Variants in EPHA6 observed in about 807,000 individuals in gnomAD.
The protein encoded by EPHA6 is ephrin type-A receptor 6.
A neutral mutation model predicts 112.0 loss-of-function variants in EPHA6; 50 were observed. The observed-to-expected ratio is 0.45, with a 90% CI of 0.36 to 0.56. The LOEUF is 0.56. Ranked by LOEUF, EPHA6 falls within the 20% of genes least tolerant of loss-of-function variation. EPHA6 has a pLI of 0.00. For synonymous variants in EPHA6, 529 were observed against 490.7 expected, an observed-to-expected ratio of 1.08 and a Z score of -1.03; for missense variants, 1,280 against 1,417.4, an observed-to-expected ratio of 0.90 and a Z score of 1.56.
intron 15 of EPHA6, among the ~76,000 whole-genome samples, chr3:97,731,202 G>A (rs1217765875): frequency 2.0e-5 from 3 of 152,004 alleles, no homozygotes; most frequent in African/African-American, 7.2e-5. Context: ...TGAGCAACAG[G>A]AAAGGCAGAG....
intron 3 of EPHA6, among the ~76,000 whole-genome samples, chr3:96,995,182 C>A (rs2043375274): frequency 6.6e-6 from 1 of 151,928 alleles, no homozygotes; most frequent in Non-Finnish European, 1.5e-5. Flanking sequence ...AACATTTATG[C>A]TGTGTGTTTA....
intron 3 of EPHA6, among the ~76,000 whole-genome samples, chr3:97,044,133 T>C (rs1229674406): frequency 6.6e-6 from 1 of 152,232 alleles, no homozygotes; most frequent in Non-Finnish European, 1.5e-5. Flanking sequence ...TCAGGCTTTC[T>C]ACATGTGACA....
intron 2 of EPHA6, among the ~76,000 whole-genome samples, chr3:96,891,151 A>G (rs912392823): frequency 1.3e-5 from 2 of 152,224 alleles, no homozygotes; most frequent in African/African-American, 2.4e-5. Context: ...TGCACAGTAG[A>G]AATGTGTATA....
chr3:97,388,051 T>A (rs1307950384), intron 5 of EPHA6, among the ~76,000 whole-genome samples: 3 of 152,194 alleles, frequency 2.0e-5, no homozygotes, highest in Non-Finnish European at 4.4e-5. Context: ...AAATGAAGTC[T>A]GCCCCCATGA....
chr3:97,188,655 A>G (rs1236152484), intron 3 of EPHA6, among the ~76,000 whole-genome samples: 3 of 151,096 alleles, frequency 2.0e-5, no homozygotes. Context: ...TTCTTAAATA[A>G]AGAATAAGTT....
Position 97,556,325 on chromosome 3 carries a change from T to C in EPHA6, c.2386+23782T>C, listed in dbSNP as rs115189756. Among the ~76,000 whole-genome samples the C allele has an allele frequency of 7.9e-3, 1,199 of 152,204 alleles. 7 individuals are homozygous for C. The highest frequency in any genetic ancestry group is 0.025 in the African/African-American group (1,058 of 41,556). ...TTTCAAGTATGTATGTGCATTAGTCTATTACCATGCTGCTAATAAATACAT... is the reference window on the plus strand; with the variant it reads ...TTTCAAGTATGTATGTGCATTAGTCCATTACCATGCTGCTAATAAATACAT... On this transcript the variant is annotated intron_variant, in intron 11 of 17. Transcript: ENST00000389672.
intron 2 of EPHA6, among the ~76,000 whole-genome samples, chr3:96,920,869 G>T (rs892697267): frequency 1.3e-5 from 2 of 151,908 alleles, no homozygotes; most frequent in African/African-American, 4.8e-5. Context: ...ATTTGTTCTA[G>T]TTTTAAATAG....
chr3:97,380,134 T>A (rs531807697), intron 5 of EPHA6, among the ~76,000 whole-genome samples: 1 of 152,174 alleles, frequency 6.6e-6, no homozygotes, highest in Non-Finnish European at 1.5e-5. Context: ...CTTTAATACC[T>A]GATCTGTCTG....
chr3:97,596,900 ATAT>A (rs2093598851), intron 12 of EPHA6, among the ~76,000 whole-genome samples: 1 of 139,126 alleles, frequency 7.2e-6, no homozygotes, highest in Non-Finnish European at 1.5e-5. Flanking sequence ...ATATATATAT[ATAT>A]ATGTATGTAT....
rs199688049 is a variant in EPHA6, at chr3:97,307,610, CT to C, written c.1606+63334del. Reference sequence around the variant, plus strand: ...TAGTTTTGTCTTTACATTTTGTTGCCTTTTTTTTTTTCTTTAAAGGTGATGT... The same window carrying C: ...TAGTTTTGTCTTTACATTTTGTTGCCTTTTTTTTTTCTTTAAAGGTGATGT... On this transcript the variant is annotated intron_variant, in intron 5 of 17. Transcript: ENST00000389672. Among the ~76,000 whole-genome samples, 1,224 of 142,482 alleles carry C rather than the reference CT, an allele frequency of 8.6e-3. 14 individuals carry two copies. Among genetic ancestry groups the C allele is most frequent in the African/African-American group, 0.027 (1,078 of 39,518 alleles). The allele number at this position is 142,482 out of a possible 152,430, so 93.5% of individuals were successfully genotyped here. A position where few individuals can be genotyped will look rare whatever the true frequency, so the allele number is the denominator to read the frequency against.
intron 2 of EPHA6, among the ~76,000 whole-genome samples, chr3:96,892,054 A>G (rs1301412052): frequency 1.3e-5 from 2 of 152,188 alleles, no homozygotes; most frequent in Non-Finnish European, 2.9e-5. Flanking sequence ...ATTTATTTGT[A>G]AATAACATTT....
intron 1 of EPHA6, among the ~76,000 whole-genome samples, chr3:96,821,908 C>T (rs1043315418): frequency 1.3e-5 from 2 of 151,724 alleles, no homozygotes; most frequent in Admixed American, 1.3e-4. Flanking sequence ...TCTCAGTTTG[C>T]TTACTGGCAT....
chr3:97,390,774 G>A (rs1251962967), intron 5 of EPHA6, among the ~76,000 whole-genome samples: 2 of 151,946 alleles, frequency 1.3e-5, no homozygotes, highest in African/African-American at 2.4e-5. Context: ...TCTAGGAAAA[G>A]GAGATGACAG....
intron 3 of EPHA6, among the ~76,000 whole-genome samples, chr3:97,026,405 G>T (rs1044109490): frequency 3.3e-5 from 5 of 152,128 alleles, no homozygotes; most frequent in African/African-American, 1.2e-4. Context: ...CATGAGCATG[G>T]AATGTTTGTG....
chr3:96,833,038 A>T (rs2034186138), intron 1 of EPHA6, among the ~76,000 whole-genome samples: 1 of 151,746 alleles, frequency 6.6e-6, no homozygotes, highest in Admixed American at 6.6e-5. Flanking sequence ...ATTATTAGTT[A>T]CAGTATCTTC....
At chr3:97,631,672 A>G (rs906246461) in intron 13 of EPHA6, among the ~76,000 whole-genome samples, 1 of 151,996 alleles carries the variant, frequency 6.6e-6, no homozygotes, top group Non-Finnish European at 1.5e-5. Flanking sequence ...TATTGTAGGT[A>G]CCCATGACAC....
At chr3:97,308,957 A>T (rs1200486030) in intron 5 of EPHA6, among the ~76,000 whole-genome samples, 1 of 151,750 alleles carries the variant, frequency 6.6e-6, no homozygotes, top group East Asian at 1.9e-4. Flanking sequence ...ACTATATAAA[A>T]GTATATCTCA....
At chr3:97,270,984 A>C (rs2108640190) in intron 5 of EPHA6, among the ~76,000 whole-genome samples, 1 of 152,348 alleles carries the variant, frequency 6.6e-6, no homozygotes, top group Middle Eastern at 3.4e-3. Flanking sequence ...ATTGAGGAAA[A>C]GAAGTATATA....
intron 3 of EPHA6, among the ~76,000 whole-genome samples, chr3:97,150,555 T>A (rs1028764517): frequency 2.0e-5 from 3 of 152,072 alleles, no homozygotes; most frequent in African/African-American, 7.2e-5. Context: ...TATGCACCTG[T>A]CTCTGTGGTA....
Sources: gnomAD v4.1 joint callset for allele counts (sites outside exome capture counted in the v4.1 genomes callset) on GRCh38, gnomAD v4.1.1 for gene constraint, MANE v1.5 for transcripts, NCBI Gene and HGNC (gene_info 2026-07-23, HGNC 2026-07-21) for gene names.